The following ADAMTS12 variants were observed in gnomAD, a reference collection of about 807,000 sequenced individuals.
ADAMTS12 encodes A disintegrin and metalloproteinase with thrombospondin motifs 12.
Under a neutral mutation model 167.8 loss-of-function variants are expected in ADAMTS12, and 118 were observed. The observed-to-expected ratio is 0.70, with a 90% CI of 0.61 to 0.82. The LOEUF is 0.82. Among genes scored for constraint, ADAMTS12 ranks in the 40% least tolerant of loss-of-function variants. The pLI, the probability that ADAMTS12 is intolerant of heterozygous loss-of-function variation, is 0.00. For synonymous variants in ADAMTS12, 704 were observed against 716.9 expected (o/e 0.98, Z 0.29); for missense variants, 1,916 against 1,998.8 (o/e 0.96, Z 0.79).
intron 1 of ADAMTS12, among the ~76,000 whole-genome samples, chr5:33,890,922 CAG>C (rs1234710241): frequency 6.6e-6 from 1 of 152,154 alleles, no homozygotes; most frequent in Non-Finnish European, 1.5e-5. Context: ...TGGGCTGACA[CAG>C]AGTGCCACGC....
rs114070411 is a variant in ADAMTS12, at chr5:33,795,151, G to T, written c.490-43603C>A. On this transcript the variant is annotated intron_variant, in intron 2 of 23. Coordinates refer to ENST00000504830, the MANE Select transcript of ADAMTS12 (RefSeq NM_030955.4). The stretch of plus-strand genomic sequence containing the variant: ...TTTCTCTATAGTTCTGGCTGTAAAA[G>T]CATCACAGGACCCATGGGCTGAAAG... Among the ~76,000 whole-genome samples, 1,074 of 152,308 alleles carry T rather than the reference G, an allele frequency of 7.1e-3. 12 individuals are homozygous for T. The highest frequency in any genetic ancestry group is 0.025 in the African/African-American group (1,038 of 41,556).
intron 2 of ADAMTS12, among the ~76,000 whole-genome samples, chr5:33,869,359 A>T (rs970419743): frequency 1.3e-5 from 2 of 151,962 alleles, no homozygotes; most frequent in East Asian, 1.9e-4. Context: ...ACTTCAGAGG[A>T]TGTATGAAAA....
chr5:33,588,848 C>G, intron 17 of ADAMTS12, 39 bp from the exon 18 acceptor site: 1 of 1,605,630 alleles, frequency 6.2e-7, no homozygotes, highest in Non-Finnish European at 8.5e-7. Flanking sequence ...AGATCGCCAA[C>G]TTACGCATAT....
chr5:33,854,752 G>C (rs906124883), intron 2 of ADAMTS12, among the ~76,000 whole-genome samples: 1 of 152,172 alleles, frequency 6.6e-6, no homozygotes, highest in South Asian at 2.1e-4. Flanking sequence ...TGAGGCTGCA[G>C]CACAAAGCAC....
chr5:33,527,934 G>C (rs749669167), intron 23 of ADAMTS12, among the ~76,000 whole-genome samples: 7 of 152,092 alleles, frequency 4.6e-5, no homozygotes, highest in Non-Finnish European at 8.8e-5. Flanking sequence ...ATACATGACT[G>C]TGCATTATAT....
At chr5:33,856,397 C>A (rs1579996089) in intron 2 of ADAMTS12, among the ~76,000 whole-genome samples, 1 of 152,126 alleles carries the variant, frequency 6.6e-6, no homozygotes, top group South Asian at 2.1e-4. Context: ...TATAGTCACA[C>A]ATATTTGTGC....
intron 20 of ADAMTS12, among the ~76,000 whole-genome samples, chr5:33,550,195 T>A (rs1745189630): frequency 6.6e-6 from 1 of 152,228 alleles, no homozygotes. Context: ...CTGGGTCACC[T>A]ACAACCAAGT....
rs779643480 is a variant in ADAMTS12 at position 33,527,277 on chromosome 5, C to G, written c.4696G>C (p.Glu1566Gln). The G allele has an allele frequency of 1.2e-6, 2 of 1,614,062 alleles. No individual in the cohort carries two copies. The highest frequency in any genetic ancestry group is 1.7e-6 in the Non-Finnish European group (2 of 1,180,002). Residue 1566 changes from glutamate to glutamine, a missense_variant, in exon 24 of 24, where the codon GAG becomes CAG. Coordinates refer to ENST00000504830, the MANE Select transcript of ADAMTS12 (RefSeq NM_030955.4). ...GTCTGGGGACACGAGAAGCAGCACT[C>G]AGCCCTCACGGTGGGCACAGAACAT... ...KKCSVPTVRA[E>Q]CCFSCPQTHI...
intron 7 of ADAMTS12, among the ~76,000 whole-genome samples, chr5:33,654,860 G>A (rs368367581): frequency 4.9e-4 from 71 of 144,160 alleles, no homozygotes; most frequent in African/African-American, 1.8e-3. Context: ...GAGAACAGGC[G>A]TATGTGGGTG....
At chr5:33,852,718 A>C (rs1398537334) in intron 2 of ADAMTS12, among the ~76,000 whole-genome samples, 2 of 152,176 alleles carry the variant, frequency 1.3e-5, no homozygotes, top group African/African-American at 4.8e-5. Flanking sequence ...GAAATCTCTC[A>C]AGGAGGGAAA....
At chr5:33,569,764 G>C (rs978148977) in intron 19 of ADAMTS12, among the ~76,000 whole-genome samples, 11 of 152,260 alleles carry the variant, frequency 7.2e-5, no homozygotes, top group African/African-American at 2.4e-4. Context: ...TTGATGAGTT[G>C]AGAGAAGAAG....
chr5:33,809,693 C>T (rs80233200), intron 2 of ADAMTS12, among the ~76,000 whole-genome samples: 21,231 of 152,000 alleles, frequency 0.14, 1,728 homozygotes, highest in Non-Finnish European at 0.18. Flanking sequence ...AAGTAGTGGT[C>T]ACTTAAGAGG....
rs4504387 is a variant in ADAMTS12, at chr5:33,649,702, C to A, written c.1191-5G>T. The A allele has an allele frequency of 0.61, 987,720 of 1,612,612 alleles. 305,264 individuals carry two copies. Among genetic ancestry groups the A allele is most frequent in the East Asian group, 0.65 (28,960 of 44,808 alleles). ...CCATCATGCTGGATGCCGAAGCTGG[C>A]AGGGAAGAACCAAGCACAAGAAGAG... On this transcript the variant is annotated splice_region_variant and splice_polypyrimidine_tract_variant and intron_variant, in intron 7 of 23. Coordinates refer to ENST00000504830, the MANE Select transcript of ADAMTS12 (RefSeq NM_030955.4).
intron 2 of ADAMTS12, among the ~76,000 whole-genome samples, chr5:33,790,555 CAAAA>C (rs35691545): frequency 2.9e-5 from 3 of 104,820 alleles, no homozygotes; most frequent in Non-Finnish European, 2.0e-5. Context: ...GACTCCATCT[CAAAA>C]AAAAAAAAAA....
intron 3 of ADAMTS12, among the ~76,000 whole-genome samples, chr5:33,713,846 A>T: frequency 6.6e-6 from 1 of 152,136 alleles, no homozygotes; most frequent in South Asian, 2.1e-4. Flanking sequence ...AATAGAAATA[A>T]ATCTATTTGG....
intron 2 of ADAMTS12, among the ~76,000 whole-genome samples, chr5:33,813,159 C>T (rs1363302378): frequency 6.6e-6 from 1 of 152,174 alleles, no homozygotes; most frequent in Non-Finnish European, 1.5e-5. Context: ...TGTTATGCAC[C>T]AACTTAAAGT....
At chr5:33,785,490 T>C (rs2079035855) in intron 2 of ADAMTS12, among the ~76,000 whole-genome samples, 2 of 152,106 alleles carry the variant, frequency 1.3e-5, no homozygotes, top group Non-Finnish European at 2.9e-5. Context: ...TGTGCATGTA[T>C]GCTCAAACTC....
rs760619167 is a variant in ADAMTS12 at position 33,576,893 on chromosome 5, T to C, written c.3133A>G (p.Thr1045Ala). 56 of 1,614,102 alleles carry C rather than the reference T, an allele frequency of 3.5e-5. No homozygotes were observed. In the African/African-American group the frequency reaches 7.1e-4, roughly 20 times the overall value. ...GGACTAGGGCTGCTGATTGCTGGAGTGCTTGTGCTCATAGACTCAGGCCCT... is the reference window on the plus strand; with the variant it reads ...GGACTAGGGCTGCTGATTGCTGGAGCGCTTGTGCTCATAGACTCAGGCCCT... ...PTGPESMSTSTPAISSPSPTT... is the reference protein window; with the variant it reads ...PTGPESMSTSAPAISSPSPTT... Residue 1045 changes from threonine to alanine, a missense_variant, in exon 19 of 24, where the codon ACT becomes GCT. Physicochemically the swap from Thr to Ala is moderately conservative, Grantham distance 58. Transcript: ENST00000504830.
At chr5:33,605,827 A>G (rs1738409470) in intron 16 of ADAMTS12, among the ~76,000 whole-genome samples, 1 of 152,240 alleles carries the variant, frequency 6.6e-6, no homozygotes, top group African/African-American at 2.4e-5. Context: ...CATACCAACC[A>G]TACAAAATTT....
Sources: gnomAD v4.1 joint callset for allele counts (sites outside exome capture counted in the v4.1 genomes callset) on GRCh38, gnomAD v4.1.1 for gene constraint, MANE v1.5 for transcripts, NCBI Gene and HGNC (gene_info 2026-07-23, HGNC 2026-07-21) for gene names.